Variants in PCLO observed in about 807,000 individuals in gnomAD.
PCLO encodes piccolo presynaptic cytomatrix protein, also known as protein piccolo.
PCLO carries 82 observed loss-of-function variants against 427.5 expected under a neutral mutation model. The ratio of observed to expected loss-of-function variants is 0.19; its 90% CI spans 0.16 to 0.23. The LOEUF (loss-of-function observed/expected upper bound fraction) is 0.23, where lower values mean the gene tolerates loss of function less well. Ranked by LOEUF, PCLO falls within the 10% of genes least tolerant of loss-of-function variation. The pLI is 1.00. For missense variants in PCLO, 6,239 were observed against 6,115.9 expected, an observed-to-expected ratio of 1.02 and a Z score of -0.67; for synonymous variants, 2,357 against 2,155.4, an observed-to-expected ratio of 1.09 and a Z score of -2.59.
At chr7:83,086,836 C>T (rs12707551) in intron 3 of PCLO, among the ~76,000 whole-genome samples, 74,052 of 151,544 alleles carry the variant, frequency 0.49, 18,227 homozygotes, top group African/African-American at 0.51. Context: ...ACACAGGCAA[C>T]GTTAAATAAA....
intron 3 of PCLO, among the ~76,000 whole-genome samples, chr7:83,084,879 T>C (rs1790191722): frequency 6.6e-6 from 1 of 152,192 alleles, no homozygotes; most frequent in African/African-American, 2.4e-5. Context: ...GATTTACCTC[T>C]TTATCTATCA....
intron 9 of PCLO, among the ~76,000 whole-genome samples, chr7:82,885,063 A>AT (rs1793598207): frequency 6.6e-6 from 1 of 152,192 alleles, no homozygotes; most frequent in Non-Finnish European, 1.5e-5. Context: ...ACTTCCTGGT[A>AT]TATTCCCTTC....
chr7:82,876,328 A>C lies in PCLO; in HGVS notation c.13654+3009T>G, dbSNP rs545697399. Among the ~76,000 whole-genome samples the C allele has an allele frequency of 3.9e-5, 6 of 152,200 alleles. No homozygotes were observed. In the East Asian group the frequency reaches 1.2e-3, roughly 29 times the overall value. On this transcript the variant is annotated intron_variant, in intron 10 of 24. Coordinates refer to ENST00000333891, the MANE Select transcript of PCLO (RefSeq NM_033026.6). ...TGGCATCATGATAATGCCTCACATC[A>C]GGCATAAAAATCAAGGTGGTATCTC...
At chr7:83,141,884 G>A (rs1584079736) in intron 2 of PCLO, among the ~76,000 whole-genome samples, 1 of 152,100 alleles carries the variant, frequency 6.6e-6, no homozygotes, top group Non-Finnish European at 1.5e-5. Flanking sequence ...TTTTAAGAGT[G>A]TATCTTCAAT....
chr7:83,065,118 A>G (rs1789635158), intron 3 of PCLO, among the ~76,000 whole-genome samples: 1 of 151,402 alleles, frequency 6.6e-6, no homozygotes, highest in Non-Finnish European at 1.5e-5. Flanking sequence ...CAGTCTTCCA[A>G]TTTTCAGAGG....
chr7:82,845,804 T>C (rs1234470492), intron 12 of PCLO, among the ~76,000 whole-genome samples: 1 of 152,188 alleles, frequency 6.6e-6, no homozygotes, highest in Admixed American at 6.6e-5. Flanking sequence ...GAACTTAATT[T>C]GTATGATTAG....
chr7:82,960,753 G>A (rs1795638850), intron 4 of PCLO, among the ~76,000 whole-genome samples: 1 of 152,046 alleles, frequency 6.6e-6, no homozygotes. Context: ...TGTAAACAAT[G>A]TACTATAATA....
rs543584779 is a variant in PCLO, at chr7:82,775,198, T to C, written c.15008-13705A>G. Among the ~76,000 whole-genome samples, 178 of 152,332 alleles carry C rather than the reference T, an allele frequency of 1.2e-3. 2 individuals carry two copies. The highest frequency in any genetic ancestry group is 1.6e-3 in the Non-Finnish European group (111 of 68,028). ...ATTATGACTTAAGCTGCTATAAACA[T>C]CCATGGGCAGGTTTTTTTGTGGTCA... is the stretch of plus-strand genomic sequence containing the variant. On this transcript the variant is annotated intron_variant, in intron 22 of 24. Transcript: ENST00000333891.
chr7:82,799,301 G>T (rs1459578664), intron 22 of PCLO, among the ~76,000 whole-genome samples: 1 of 152,204 alleles, frequency 6.6e-6, no homozygotes, highest in Non-Finnish European at 1.5e-5. Flanking sequence ...GGGCAAGGCT[G>T]TCTGCTAAGT....
intron 2 of PCLO, among the ~76,000 whole-genome samples, chr7:83,149,102 A>G (rs1047387568): frequency 6.6e-6 from 1 of 152,106 alleles, no homozygotes; most frequent in African/African-American, 2.4e-5. Context: ...CAGGCAGGTC[A>G]CCCTTTCATT....
chr7:83,001,709 A>T (rs1038008619), intron 3 of PCLO, among the ~76,000 whole-genome samples: 1 of 152,022 alleles, frequency 6.6e-6, no homozygotes, highest in Non-Finnish European at 1.5e-5. Flanking sequence ...AAATGGCCTC[A>T]TGTGCATGTC....
chr7:83,085,358 C>G (rs1383303449), intron 3 of PCLO, among the ~76,000 whole-genome samples: 1 of 152,106 alleles, frequency 6.6e-6, no homozygotes, highest in Non-Finnish European at 1.5e-5. Flanking sequence ...GATTTAAAAA[C>G]CTACTGCGAA....
intron 3 of PCLO, among the ~76,000 whole-genome samples, chr7:82,992,182 C>A (rs1414999263): frequency 7.9e-5 from 12 of 152,056 alleles, no homozygotes; most frequent in Admixed American, 7.9e-4. Context: ...TTACCTTGGT[C>A]CCACACCATT....
At chr7:83,138,011 A>T (rs1791770190) in intron 2 of PCLO, among the ~76,000 whole-genome samples, 1 of 152,118 alleles carries the variant, frequency 6.6e-6, no homozygotes, top group African/African-American at 2.4e-5. Flanking sequence ...ATCCCCTATT[A>T]TCAATGTCAA....
rs552211193 is a variant in PCLO at position 82,755,247 on chromosome 7, G to A, written c.*3328C>T. On this transcript the variant is annotated 3_prime_UTR_variant, in exon 25 of 25. Transcript: ENST00000333891. ...TTCCACTGGTATGCTGAAAATATGC[G>A]TTTAATTAGTGTAATTTATTAAAAT... 30 of 152,002 alleles carry A rather than the reference G, an allele frequency of 2.0e-4. No individual in the cohort carries two copies. The highest frequency in any genetic ancestry group is 6.8e-3 in the Middle Eastern group (2 of 294). The allele number at this position is 152,002 out of a possible 1,614,324, so 9.4% of individuals were successfully genotyped here.
In PCLO at chr7:82,952,227, A is replaced by G; in HGVS notation, c.8726T>C (p.Val2909Ala). 6.2e-7 allele frequency: 1 copy of G among 1,613,840 alleles called. No individual in the cohort carries two copies. Among genetic ancestry groups the G allele is most frequent in the South Asian group, 1.1e-5 (1 of 91,080 alleles). The change falls in exon 5 of 25, where the codon GTC (valine) becomes GCC (alanine). Residue 2909 changes from valine (V) to alanine (A), a missense_variant. Physicochemically the swap from Val to Ala is moderately conservative, Grantham distance 64 (BLOSUM62 0). Transcript: ENST00000333891. ...TGAAGTAGACTCATCCATTGTTACG[A>G]CTGTTCTGTGAGACTTGGTTGTACT... ...DLSTTKSHRT[V>A]VTMDESTSSV...
intron 6 of PCLO, among the ~76,000 whole-genome samples, chr7:82,932,781 T>C (rs1018420129): frequency 1.3e-5 from 2 of 152,062 alleles, no homozygotes; most frequent in African/African-American, 2.4e-5. Context: ...GCACTGTTAA[T>C]GCAAATATAT....
chr7:83,070,007 T>C (rs1479591003), intron 3 of PCLO, among the ~76,000 whole-genome samples: 1 of 152,110 alleles, frequency 6.6e-6, no homozygotes, highest in Non-Finnish European at 1.5e-5. Flanking sequence ...AATGACTCAC[T>C]TCTAAGAATT....
chr7:83,038,017 A>ATCTTTATATATATATCTT (rs1475193761), intron 3 of PCLO, among the ~76,000 whole-genome samples: 1 of 44,908 alleles, frequency 2.2e-5, no homozygotes, highest in African/African-American at 1.4e-4. Flanking sequence ...ATATATATAT[A>ATCTTTATATATATATCTT]TATATATATA....
Sources: gnomAD v4.1 joint callset for allele counts (sites outside exome capture counted in the v4.1 genomes callset) on GRCh38, gnomAD v4.1.1 for gene constraint, MANE v1.5 for transcripts, NCBI Gene and HGNC (gene_info 2026-07-23, HGNC 2026-07-21) for gene names.